Variants in RBM34 observed in about 807,000 individuals in gnomAD.
The protein encoded by RBM34 is RNA-binding protein 34.
In RBM34, 39 loss-of-function variants were observed where a neutral mutation model predicts 44.6. The ratio of observed to expected loss-of-function variants is 0.87; its 90% CI spans 0.68 to 1.14. The LOEUF is 1.14. Ranked by LOEUF, RBM34 falls within the 50% of genes most tolerant of loss-of-function variation. RBM34 has a pLI of 0.00. For synonymous variants in RBM34, 194 were observed against 184.0 expected, an observed-to-expected ratio of 1.05 and a Z score of -0.44; for missense variants, 572 against 517.9, an observed-to-expected ratio of 1.10 and a Z score of -1.01.
chr1:235,159,826 G>A lies in RBM34; in HGVS notation c.365+685C>T, dbSNP rs1480277681. ...GGAGGTTGCAGTGAGCTGAGATCAG[G>A]CCACTGCACTCCAGTCTGGACAAAA... On this transcript the variant is annotated intron_variant, in intron 3 of 10. Transcript: ENST00000408888. Among the ~76,000 whole-genome samples the A allele has an allele frequency of 7.6e-5, 11 of 144,006 alleles. No individual in the cohort carries two copies. In the Admixed American group the frequency reaches 7.7e-4, roughly 10 times the overall value. 94.5% of individuals were successfully genotyped at this position (144,006 alleles called of 152,430 possible).
At chr1:235,148,585 A>C in intron 5 of RBM34, 138 bp from the exon 6 acceptor site, 3 of 559,226 alleles carry the variant, frequency 5.4e-6, no homozygotes, top group Non-Finnish European at 8.2e-6. Context: ...AATCAGAAAC[A>C]ACTGTCCTAA....
intron 3 of RBM34, chr1:235,156,540 G>A (rs1662453574): frequency 2.5e-6 from 1 of 403,216 alleles, no homozygotes; most frequent in Admixed American, 3.5e-5. Context: ...ATGGCTGATA[G>A]GAAAAACCAG....
intron 6 of RBM34, among the ~76,000 whole-genome samples, chr1:235,139,964 G>C (rs191595464): frequency 2.1e-4 from 32 of 152,360 alleles, no homozygotes; most frequent in African/African-American, 7.2e-4. Flanking sequence ...CGAGGCAGGA[G>C]TGTGCGCCCA....
At chr1:235,142,481 G>A (rs964624557) in intron 6 of RBM34, among the ~76,000 whole-genome samples, 9 of 151,504 alleles carry the variant, frequency 5.9e-5, no homozygotes, top group African/African-American at 9.7e-5. Flanking sequence ...GTTTCACCAC[G>A]TTGGCCAGGC....
intron 5 of RBM34, among the ~76,000 whole-genome samples, chr1:235,150,588 A>C (rs1048066427): frequency 2.0e-5 from 3 of 152,216 alleles, no homozygotes; most frequent in Admixed American, 2.0e-4. Context: ...AAAGGGACAA[A>C]GGTGAGAAAA....
At chr1:235,153,574 G>C (rs897316998) in intron 4 of RBM34, among the ~76,000 whole-genome samples, 2 of 151,998 alleles carry the variant, frequency 1.3e-5, no homozygotes, top group Non-Finnish European at 2.9e-5. Flanking sequence ...ACAGGCATGT[G>C]TCACCACACC....
At chr1:235,144,759 A>G (rs908454672) in intron 6 of RBM34, among the ~76,000 whole-genome samples, 4 of 151,960 alleles carry the variant, frequency 2.6e-5, no homozygotes, top group South Asian at 4.1e-4. Context: ...AAAATAAAAT[A>G]AGGCCCAGCG....
chr1:235,159,801 G>A (rs1490545073), intron 3 of RBM34, among the ~76,000 whole-genome samples: 2 of 151,156 alleles, frequency 1.3e-5, no homozygotes, highest in Non-Finnish European at 2.9e-5. Flanking sequence ...CCCGGGAGGT[G>A]GAGGTTGCAG....
chr1:235,158,872 C>G (rs1408516696), intron 3 of RBM34, among the ~76,000 whole-genome samples: 1 of 150,522 alleles, frequency 6.6e-6, no homozygotes, highest in African/African-American at 2.4e-5. Flanking sequence ...AATCCTAGCA[C>G]TTGGGGAGAC....
At chr1:235,156,150 G>C (rs976358328) in intron 3 of RBM34, among the ~76,000 whole-genome samples, 1 of 151,452 alleles carries the variant, frequency 6.6e-6, no homozygotes, top group African/African-American at 2.4e-5. Context: ...TTACAGGCAT[G>C]AGCCACCGCG....
At position 235,154,800 on chromosome 1, in the gene RBM34, T is replaced by A. The variant is rs546216799; in HGVS notation, c.597+81A>T. 25 of 1,081,768 alleles carry A rather than the reference T, an allele frequency of 2.3e-5. No homozygotes were observed. The South Asian group carries it at 3.3e-4, about 14-fold the overall frequency. The allele number at this position is 1,081,768 out of a possible 1,614,324, so 67.0% of individuals were successfully genotyped here. On this transcript the variant is annotated intron_variant, in intron 4 of 10. Coordinates refer to ENST00000408888, the MANE Select transcript of RBM34 (RefSeq NM_015014.4). ...ATAATTTACAATGAAGTTATATCCA[T>A]GACTTACTATTGAATGCTTATTCAA... is the stretch of plus-strand genomic sequence containing the variant.
intron 6 of RBM34, among the ~76,000 whole-genome samples, chr1:235,138,380 A>G (rs1661523390): frequency 6.6e-6 from 1 of 152,268 alleles, no homozygotes; most frequent in East Asian, 1.9e-4. Flanking sequence ...GTGGAGACAC[A>G]ACCCATACTT....
intron 4 of RBM34, among the ~76,000 whole-genome samples, chr1:235,153,803 A>C (rs1572164895): frequency 6.6e-6 from 1 of 152,200 alleles, no homozygotes; most frequent in African/African-American, 2.4e-5. Flanking sequence ...TACCGAGCTA[A>C]GGATTGCAAC....
chr1:235,147,620 G>A (rs1572156719), intron 6 of RBM34, among the ~76,000 whole-genome samples: 1 of 152,092 alleles, frequency 6.6e-6, no homozygotes, highest in African/African-American at 2.4e-5. Context: ...GCGAAGACCT[G>A]GTCGGCCAAA....
intron 5 of RBM34, 141 bp from the exon 6 acceptor site, chr1:235,148,588 T>G: frequency 2.9e-5 from 15 of 509,534 alleles, no homozygotes; most frequent in Middle Eastern, 5.9e-4. Context: ...CAGAAACAAC[T>G]GTCCTAATTT....
intron 4 of RBM34, 95 bp downstream of exon 4, chr1:235,154,786 T>C: frequency 1.0e-6 from 1 of 956,842 alleles, no homozygotes; most frequent in South Asian, 1.4e-5. Flanking sequence ...TAATTTACAA[T>C]GAAGTTATAT....
intron 3 of RBM34, among the ~76,000 whole-genome samples, chr1:235,155,505 CTTT>C (rs745638640): frequency 1.6e-5 from 2 of 123,898 alleles, no homozygotes; most frequent in African/African-American, 3.2e-5. Context: ...CCACACGTGG[CTTT>C]TTTTTTTTTT....
intron 6 of RBM34, among the ~76,000 whole-genome samples, chr1:235,142,468 G>A (rs572099920): frequency 4.6e-5 from 7 of 151,784 alleles, no homozygotes; most frequent in African/African-American, 1.4e-4. Flanking sequence ...TAGTAGAGAC[G>A]GGGTTTCACC....
chr1:235,148,485 T>A (rs1662007812), intron 5 of RBM34, 38 bp from the exon 6 acceptor site: 2 of 1,486,258 alleles, frequency 1.3e-6, no homozygotes, highest in Middle Eastern at 3.5e-4. Context: ...AGACAGTATT[T>A]GAAGTATTAC....
Sources: allele counts gnomAD v4.1 joint callset (sites outside exome capture counted in the v4.1 genomes callset), GRCh38; gene constraint gnomAD v4.1.1; transcripts MANE v1.5; gene names NCBI Gene and HGNC (gene_info 2026-07-23, HGNC 2026-07-21).